Variants in CHM observed in about 807,000 individuals in gnomAD.
The protein encoded by CHM is CHM Rab escort protein, also known as rab proteins geranylgeranyltransferase component A 1.
Under a neutral mutation model 49.0 loss-of-function variants are expected in CHM, and 10 were observed. The observed-to-expected ratio is 0.20, with a 90% CI of 0.13 to 0.35. The LOEUF (loss-of-function observed/expected upper bound fraction) is 0.35. CHM is among the 10% of genes least tolerant of loss of function. The pLI is 1.00. For missense variants in CHM, 455 were observed against 478.4 expected, an observed-to-expected ratio of 0.95 and a Z score of 0.46; for synonymous variants, 184 against 167.5, an observed-to-expected ratio of 1.10 and a Z score of -0.76.
chrX:85,875,021 G>A (rs1007636560), intron 13 of CHM, among the ~76,000 whole-genome samples: 1 of 111,177 alleles, frequency 9.0e-6, no homozygotes, highest in African/African-American at 3.3e-5. Flanking sequence ...TAAACATCCA[G>A]CTCAAAGGAA....
chrX:85,994,465 C>T (rs1311269948), intron 2 of CHM, among the ~76,000 whole-genome samples: 1 of 111,577 alleles, frequency 9.0e-6, no homozygotes, highest in East Asian at 2.8e-4. Context: ...GATGAGAGGA[C>T]AGAAATGACA....
chrX:85,893,829 G>A lies in CHM; in HGVS notation c.1510+359C>T, dbSNP rs1400861174. On this transcript the variant is annotated intron_variant, in intron 12 of 14. Coordinates refer to ENST00000357749, the MANE Select transcript of CHM (RefSeq NM_000390.4). ...TTTATTATAAGTTACCCAGTCTAAG[G>A]TATTTTTTCATAGCAGCCCAAATGG... Among the ~76,000 whole-genome samples, 6 of 110,494 alleles carry A rather than the reference G, an allele frequency of 5.4e-5. 1 individual carries two copies. In the Admixed American group the frequency reaches 5.8e-4, roughly 11 times the overall value.
At chrX:85,913,327 AAAAAAAAAGAAAGAAAGAAAGAAAG>A (rs1462501629) in intron 8 of CHM, among the ~76,000 whole-genome samples, 22 of 80,451 alleles carry the variant, frequency 2.7e-4, no homozygotes, top group African/African-American at 9.0e-4. Context: ...AAAAAAAAAA[AAAAAAAAAGAAAGAAAGAAAGAAAG>A]AAAGAAAGAA....
intron 2 of CHM, among the ~76,000 whole-genome samples, chrX:86,014,531 A>T (rs1225752131): frequency 8.9e-6 from 1 of 112,780 alleles, no homozygotes; most frequent in Non-Finnish European, 1.9e-5. Context: ...TACAGAACTA[A>T]CTAAACTGTA....
chrX:85,954,788 A>G (rs750056200), intron 8 of CHM, among the ~76,000 whole-genome samples: 1 of 109,185 alleles, frequency 9.2e-6, no homozygotes, highest in Non-Finnish European at 1.9e-5. Context: ...GCTACTCAGG[A>G]GACTGAGGCA....
chrX:86,045,288 C>T (rs1044283900), intron 1 of CHM, among the ~76,000 whole-genome samples: 1 of 111,895 alleles, frequency 8.9e-6, no homozygotes, highest in Non-Finnish European at 1.9e-5. Context: ...CAAACTATTT[C>T]ACAAGAGAAA....
intron 2 of CHM, among the ~76,000 whole-genome samples, chrX:86,000,447 G>A (rs772720000): frequency 2.0e-5 from 2 of 101,442 alleles, no homozygotes; most frequent in Admixed American, 1.2e-4. Context: ...ACAGTATGGA[G>A]GGTCCTCAAA....
chrX:85,880,436 T>A (rs1206693307), intron 12 of CHM, among the ~76,000 whole-genome samples: 4 of 111,625 alleles, frequency 3.6e-5, no homozygotes, highest in Non-Finnish European at 7.5e-5. Context: ...TAGGAGATAA[T>A]CTATCCTGTC....
At chrX:85,897,296 C>A (rs1412779831) in intron 11 of CHM, among the ~76,000 whole-genome samples, 1 of 88,363 alleles carries the variant, frequency 1.1e-5, no homozygotes, top group African/African-American at 4.6e-5. Context: ...ATAGAAAATG[C>A]TTGTGTGTGC....
At chrX:85,884,649 C>T (rs6623534) in intron 12 of CHM, among the ~76,000 whole-genome samples, 150 of 110,885 alleles carry the variant, frequency 1.4e-3, no homozygotes, top group African/African-American at 4.2e-3. Context: ...CAGTGGCATA[C>T]GTATGATTTT....
intron 1 of CHM, among the ~76,000 whole-genome samples, chrX:86,037,110 C>CTTTTTTT (rs1048558599): frequency 1.4e-5 from 1 of 70,778 alleles, no homozygotes; most frequent in African/African-American, 5.2e-5. Context: ...CTAATTTTTC[C>CTTTTTTT]TTTTTTTTTT....
chrX:86,007,605 T>C (rs1177192783), intron 2 of CHM, among the ~76,000 whole-genome samples: 37 of 112,240 alleles, frequency 3.3e-4, no homozygotes, highest in South Asian at 1.1e-3. Context: ...AGGATATTAG[T>C]AGACACTTCT....
At chrX:85,980,533 A>G (rs758514197) in intron 3 of CHM, among the ~76,000 whole-genome samples, 1 of 112,318 alleles carries the variant, frequency 8.9e-6, no homozygotes, top group East Asian at 2.8e-4. Context: ...TGATTAAATC[A>G]ATCAATCAAT....
intron 2 of CHM, among the ~76,000 whole-genome samples, chrX:86,014,879 T>A (rs2147772743): frequency 9.1e-6 from 1 of 110,440 alleles, no homozygotes; most frequent in South Asian, 4.0e-4. Context: ...CAAATCTAGA[T>A]AAGCATTGAC....
At chrX:86,044,510 T>C (rs1022944072) in intron 1 of CHM, among the ~76,000 whole-genome samples, 1 of 112,083 alleles carries the variant, frequency 8.9e-6, no homozygotes, top group Admixed American at 9.5e-5. Context: ...TATTATCATA[T>C]AGATCTTATA....
chrX:85,917,579 A>C (rs1344030153), intron 8 of CHM, among the ~76,000 whole-genome samples: 1 of 111,692 alleles, frequency 9.0e-6, no homozygotes, highest in Non-Finnish European at 1.9e-5. Context: ...AAATGGCTGA[A>C]ATGACAGACA....
intron 11 of CHM, among the ~76,000 whole-genome samples, chrX:85,894,984 T>C (rs985977024): frequency 2.7e-5 from 3 of 111,588 alleles, no homozygotes; most frequent in African/African-American, 6.5e-5. Flanking sequence ...ACTCCATTAA[T>C]AAAACTAGAA....
At chrX:85,962,434 GA>G (rs1291497097) in intron 5 of CHM, among the ~76,000 whole-genome samples, 1 of 112,245 alleles carries the variant, frequency 8.9e-6, no homozygotes, top group East Asian at 2.8e-4. Context: ...CAGACAGAAA[GA>G]AAAATGGGTA....
At chrX:86,023,045 C>A (rs1197606936) in intron 2 of CHM, among the ~76,000 whole-genome samples, 3 of 110,932 alleles carry the variant, frequency 2.7e-5, no homozygotes, top group African/African-American at 9.8e-5. Flanking sequence ...ATTCTGATTG[C>A]CAATAGCTTC....
Sources: gnomAD v4.1 joint callset for allele counts (sites outside exome capture counted in the v4.1 genomes callset) on GRCh38, gnomAD v4.1.1 for gene constraint, MANE v1.5 for transcripts, NCBI Gene and HGNC (gene_info 2026-07-23, HGNC 2026-07-21) for gene names.